SLC22A11: variants seen among roughly 807,000 people sequenced by gnomAD.
The protein encoded by SLC22A11 is solute carrier family 22 member 11.
Under a neutral mutation model 49.4 loss-of-function variants are expected in SLC22A11, and 42 were observed. The ratio of observed to expected loss-of-function variants is 0.85; its 90% CI spans 0.66 to 1.10. SLC22A11 has a LOEUF of 1.10. Among genes scored for constraint, SLC22A11 ranks in the 50% least tolerant of loss-of-function variants. SLC22A11 has a pLI of 0.00. For missense variants in SLC22A11, 685 were observed against 731.6 expected (o/e 0.94, Z 0.74); for synonymous variants, 304 against 315.8 (o/e 0.96, Z 0.40).
At chr11:64,569,540 A>C in intron 8 of SLC22A11, 112 bp from the exon 9 acceptor site, 1 of 1,123,840 alleles carries the variant, frequency 8.9e-7, no homozygotes, top group African/African-American at 1.5e-5. Flanking sequence ...GGCCTTGAGG[A>C]GGGCAATTCC....
chr11:64,562,559 G>A lies in SLC22A11; in HGVS notation c.821+124G>A, dbSNP rs1360303274. ...GTGCCACAGAAGGGCCATGGCATGA[G>A]CGGCACCCTCGCTAGGGAGGGACAT... is the stretch of plus-strand genomic sequence containing the variant. On this transcript the variant is annotated intron_variant, in intron 4 of 9. Transcript: ENST00000301891. This position sits in a 1 kb window ranked among gnomAD's most constrained non-coding sequence, Gnocchi z 4.4. The A allele has an allele frequency of 9.4e-7, 1 of 1,062,576 alleles. No individual in the cohort carries two copies. Among genetic ancestry groups the A allele is most frequent in the Non-Finnish European group, 1.3e-6 (1 of 756,880 alleles). The allele number at this position is 1,062,576 out of a possible 1,614,324, so 65.8% of individuals were successfully genotyped here. A position where few individuals can be genotyped will look rare whatever the true frequency, so the allele number is the denominator to read the frequency against.
intron 1 of SLC22A11, among the ~76,000 whole-genome samples, chr11:64,556,799 G>T (rs2038468345): frequency 6.6e-6 from 1 of 152,138 alleles, no homozygotes; most frequent in Admixed American, 6.5e-5. Flanking sequence ...AGAGATGGTG[G>T]AGGATGAGGA....
chr11:64,570,602 G>A (rs2038690566), intron 9 of SLC22A11, among the ~76,000 whole-genome samples: 1 of 152,150 alleles, frequency 6.6e-6, no homozygotes, highest in South Asian at 2.1e-4. Flanking sequence ...TGGTGACCGA[G>A]GTCACAATGA....
At chr11:64,566,168 C>T (rs2038622155) in intron 6 of SLC22A11, 1 of 153,456 alleles carries the variant, frequency 6.5e-6, no homozygotes, top group Non-Finnish European at 1.4e-5. Flanking sequence ...ATCACTGGAG[C>T]CCAGGAGATA....
In SLC22A11 at chr11:64,571,148, A is replaced by C; in HGVS notation, c.*106A>C. ...AGTTGGGCGACTTCAAGGGCCTGGCATGGCAGAGGCCAGGCAGCCGTGGCC... is the reference window on the plus strand; with the variant it reads ...AGTTGGGCGACTTCAAGGGCCTGGCCTGGCAGAGGCCAGGCAGCCGTGGCC... On this transcript the variant is annotated 3_prime_UTR_variant, in exon 10 of 10. Transcript: ENST00000301891. 7.9e-7 allele frequency: 1 copy of C among 1,272,000 alleles called. No homozygotes were observed. The highest frequency in any genetic ancestry group is 1.1e-6 in the Non-Finnish European group (1 of 881,240). 78.8% of individuals were successfully genotyped at this position (1,272,000 alleles called of 1,614,324 possible).
In SLC22A11 at chr11:64,571,157, G is replaced by A. The variant is rs955844848; in HGVS notation, c.*115G>A. 8 of 1,186,864 alleles carry A rather than the reference G, an allele frequency of 6.7e-6. No homozygotes were observed. The highest frequency in any genetic ancestry group is 9.9e-6 in the Non-Finnish European group (8 of 811,952). The allele number at this position is 1,186,864 out of a possible 1,614,324, so 73.5% of individuals were successfully genotyped here. Reference sequence around the variant, plus strand: ...ACTTCAAGGGCCTGGCATGGCAGAGGCCAGGCAGCCGTGGCCGAGTGGACA... The same window carrying A: ...ACTTCAAGGGCCTGGCATGGCAGAGACCAGGCAGCCGTGGCCGAGTGGACA... On this transcript the variant is annotated 3_prime_UTR_variant, in exon 10 of 10. Transcript: ENST00000301891.
At chr11:64,568,883 G>A (rs879618954) in intron 8 of SLC22A11, 105 bp downstream of exon 8, 7 of 966,346 alleles carry the variant, frequency 7.2e-6, no homozygotes, top group South Asian at 1.4e-5. Flanking sequence ...AGCCAGGGCC[G>A]CTCAGGGTCC....
intron 7 of SLC22A11, 51 bp downstream of exon 7, chr11:64,567,864 C>A (rs773257312): frequency 6.6e-7 from 1 of 1,524,634 alleles, no homozygotes; most frequent in Non-Finnish European, 8.8e-7. Context: ...CCCCGCCCAC[C>A]CCACTGCTCT....
chr11:64,561,865 C>T (rs2038549097), intron 2 of SLC22A11, 139 bp from the exon 3 acceptor site: 5 of 969,522 alleles, frequency 5.2e-6, no homozygotes, highest in Non-Finnish European at 7.6e-6. Context: ...TGAGTGTACC[C>T]CTAAAAGTTC....
In SLC22A11 at chr11:64,565,342, G is replaced by C. The variant is rs201314585; in HGVS notation, c.1058+5G>C. 6.5e-7 allele frequency: 1 copy of C among 1,546,448 alleles called. No individual in the cohort carries two copies. Among genetic ancestry groups the C allele is most frequent in the Non-Finnish European group, 8.7e-7 (1 of 1,146,000 alleles). ...CTGCGCCATGCTGGTGGTGAAGTACGCCGTCCTGGTGTCCCTCCCCAAGGC... is the reference window on the plus strand; with the variant it reads ...CTGCGCCATGCTGGTGGTGAAGTACCCCGTCCTGGTGTCCCTCCCCAAGGC... On this transcript the variant is annotated splice_donor_5th_base_variant and intron_variant, in intron 6 of 9. Coordinates refer to ENST00000301891, the MANE Select transcript of SLC22A11 (RefSeq NM_018484.4). The surrounding 1 kb of genome is among the most constrained non-coding windows in gnomAD (Gnocchi z 4.1).
chr11:64,557,608 G>C (rs1241831925), intron 1 of SLC22A11, among the ~76,000 whole-genome samples: 3 of 151,334 alleles, frequency 2.0e-5, no homozygotes, highest in African/African-American at 7.3e-5. Context: ...ACATGCTCTG[G>C]AGCTGGGATT....
Position 64,567,702 on chromosome 11 carries a change from G to T in SLC22A11, c.1162G>T (p.Gly388Cys). 6.2e-7 allele frequency: 1 copy of T among 1,613,948 alleles called. No homozygotes were observed. The highest frequency in any genetic ancestry group is 1.7e-4 in the Middle Eastern group (1 of 6,042). ...QALFGAVDFL[G>C]RATTALLLSF... Reference sequence around the variant, plus strand: ...CCTCTTCGGGGCCGTGGACTTCCTGGGCCGGGCCACCACTGCCCTCTTGCT... The same window carrying T: ...CCTCTTCGGGGCCGTGGACTTCCTGTGCCGGGCCACCACTGCCCTCTTGCT... Residue 388 changes from glycine (G) to cysteine (C), a missense_variant, in exon 7 of 10, where the codon GGC becomes TGC. By Grantham distance (159) the Gly-to-Cys change is radical. Coordinates refer to ENST00000301891, the MANE Select transcript of SLC22A11 (RefSeq NM_018484.4).
intron 4 of SLC22A11, among the ~76,000 whole-genome samples, chr11:64,563,038 C>T (rs575624715): frequency 6.6e-6 from 1 of 152,318 alleles, no homozygotes; most frequent in East Asian, 1.9e-4. Flanking sequence ...GGAAATCCCT[C>T]CTTGGGTTGG....
chr11:64,571,254 C>T lies in SLC22A11; in HGVS notation c.*212C>T. On this transcript the variant is annotated 3_prime_UTR_variant, in exon 10 of 10. Transcript: ENST00000301891. Reference sequence around the variant, plus strand: ...TCTTCTCCCTGCCCTGATCAGATTCCCCACCTTACCCGGGCCCTACAGGAG... The same window carrying T: ...TCTTCTCCCTGCCCTGATCAGATTCTCCACCTTACCCGGGCCCTACAGGAG... The T allele has an allele frequency of 1.7e-6, 1 of 580,028 alleles. No homozygotes were observed. The highest frequency in any genetic ancestry group is 3.1e-6 in the Non-Finnish European group (1 of 326,394). 35.9% of individuals were successfully genotyped at this position (580,028 alleles called of 1,614,324 possible).
At chr11:64,563,610 TAAAAAAAAAAAAAAAAAAAA>T (rs869085115) in intron 4 of SLC22A11, among the ~76,000 whole-genome samples, 1 of 43,842 alleles carries the variant, frequency 2.3e-5, no homozygotes, top group Non-Finnish European at 3.8e-5. Flanking sequence ...TTAAATGTGC[TAAAAAAAAAAAAAAAAAAAA>T]AAAAAAAAGG....
At position 64,556,231 on chromosome 11, in the gene SLC22A11, C is replaced by A; in HGVS notation, c.232C>A (p.Pro78Thr). The A allele has an allele frequency of 6.2e-7, 1 of 1,614,114 alleles. No homozygotes were observed. The highest frequency in any genetic ancestry group is 2.2e-5 in the East Asian group (1 of 44,886). ...TCTGACCATCTCCATCCCGCCAGGC[C>A]CCAACCAGGGGCCCCACCAGTGCCG... ...ALLTISIPPG[P>T]NQGPHQCRRF... The change falls in exon 1 of 10, where the codon CCC (proline) becomes ACC (threonine). Residue 78 changes from proline (P) to threonine (T), a missense_variant. Pro to Thr is a conservative substitution (Grantham distance 38). Coordinates refer to ENST00000301891, the MANE Select transcript of SLC22A11 (RefSeq NM_018484.4).
chr11:64,570,895 T>C (rs1436667768), intron 9 of SLC22A11, 84 bp from the exon 10 acceptor site: 1 of 1,366,466 alleles, frequency 7.3e-7, no homozygotes, highest in Non-Finnish European at 1.0e-6. Flanking sequence ...TACCCCCCAA[T>C]AAGACTTGAC....
Position 64,559,168 on chromosome 11 carries a change from C to T in SLC22A11, c.427C>T (p.Pro143Ser). 1.9e-6 allele frequency: 3 copies of T among 1,613,566 alleles called. No individual in the cohort carries two copies. Among genetic ancestry groups the T allele is most frequent in the South Asian group, 2.2e-5 (2 of 91,058 alleles). ...DLVCSSQGLK[P>S]LSQSIFMSGI... ...GGTGTGCAGCTCCCAGGGCTTGAAG[C>T]CCCTAAGCCAGTCCATCTTCATGTC... is the stretch of plus-strand genomic sequence containing the variant. Residue 143 changes from proline (P) to serine (S), a missense_variant, in exon 2 of 10, where the codon CCC becomes TCC. Coordinates refer to ENST00000301891, the MANE Select transcript of SLC22A11 (RefSeq NM_018484.4).
Position 64,569,668 on chromosome 11 carries a change from A to G in SLC22A11, c.1399A>G (p.Ile467Val), listed in dbSNP as rs758803745. 6.2e-7 allele frequency: 1 copy of G among 1,613,970 alleles called. No individual in the cohort carries two copies. Among genetic ancestry groups the G allele is most frequent in the African/African-American group, 1.3e-5 (1 of 74,936 alleles). ...PTPVRMTADGILHTVGRLGAM... is the reference protein window; with the variant it reads ...PTPVRMTADGVLHTVGRLGAM... ...CACCCACAGGATGACAGCAGATGGC[A>G]TTCTGCATACAGTGGGCCGGCTGGG... The change falls in exon 9 of 10, where the codon ATT (isoleucine) becomes GTT (valine). Residue 467 changes from isoleucine (I) to valine (V), a missense_variant. Ile to Val is a conservative substitution (Grantham distance 29). Coordinates refer to ENST00000301891, the MANE Select transcript of SLC22A11 (RefSeq NM_018484.4).
Sources: gnomAD v4.1 joint callset for allele counts (sites outside exome capture counted in the v4.1 genomes callset) on GRCh38, gnomAD v4.1.1 for gene constraint, Gnocchi (gnomAD v3.1) non-coding constraint, MANE v1.5 for transcripts, NCBI Gene and HGNC (gene_info 2026-07-23, HGNC 2026-07-21) for gene names.